The following TLL1 variants were observed in gnomAD, a reference collection of about 807,000 sequenced individuals.
The protein encoded by TLL1 is tolloid like 1, also known as tolloid-like protein 1.
Under a neutral mutation model 128.2 loss-of-function variants are expected in TLL1, and 49 were observed. That is an observed-to-expected ratio of 0.38 (90% CI 0.30 to 0.48). TLL1 has a LOEUF of 0.48. Among genes scored for constraint, TLL1 ranks in the 20% least tolerant of loss-of-function variants. TLL1 has a pLI of 0.96. For synonymous variants in TLL1, 454 were observed against 418.8 expected, an observed-to-expected ratio of 1.08 and a Z score of -1.03; for missense variants, 1,123 against 1,242.0, an observed-to-expected ratio of 0.90 and a Z score of 1.44.
chr4:165,877,078 C>T (rs953222594), intron 1 of TLL1, among the ~76,000 whole-genome samples: 2 of 152,194 alleles, frequency 1.3e-5, no homozygotes, highest in African/African-American at 4.8e-5. Context: ...GTGTGTTACC[C>T]AATGAGATTT....
At chr4:166,060,408 A>G (rs755614380) in intron 15 of TLL1, among the ~76,000 whole-genome samples, 3 of 152,092 alleles carry the variant, frequency 2.0e-5, no homozygotes, top group Admixed American at 6.6e-5. Context: ...GGGAGTTTTT[A>G]TTTAGTGTAT....
Position 166,077,964 on chromosome 4 carries a change from C to G in TLL1, c.2376C>G (p.Asp792Glu). The G allele has an allele frequency of 6.2e-7, 1 of 1,613,678 alleles. No homozygotes were observed. ...SGLITSPNWP[D>E]KYPSRKECTW... Reference sequence around the variant, plus strand: ...TCATCACCAGTCCCAACTGGCCAGACAAGTACCCAAGCAGGAAAGAATGCA... The same window carrying G: ...TCATCACCAGTCCCAACTGGCCAGAGAAGTACCCAAGCAGGAAAGAATGCA... Residue 792 changes from aspartate (D) to glutamate (E), a missense_variant, in exon 18 of 21, where the codon GAC (aspartate) becomes GAG (glutamate). This residue lies in a region of TLL1 where 634 missense variants were observed against 672.4 expected (regional missense o/e 0.94). Coordinates refer to ENST00000061240, the MANE Select transcript of TLL1 (RefSeq NM_012464.5).
chr4:166,096,505 A>G (rs1209165037), intron 19 of TLL1, among the ~76,000 whole-genome samples: 1 of 152,148 alleles, frequency 6.6e-6, no homozygotes, highest in East Asian at 1.9e-4. Context: ...TCTTCTGTTT[A>G]ATTTCTTCAG....
chr4:166,010,824 GT>G (rs201257162), intron 7 of TLL1, among the ~76,000 whole-genome samples: 114 of 150,456 alleles, frequency 7.6e-4, no homozygotes, highest in Admixed American at 1.5e-3. Context: ...TTTTTAAAGT[GT>G]TTTTTTTAAA....
At chr4:166,085,552 T>G (rs1741472921) in intron 18 of TLL1, among the ~76,000 whole-genome samples, 1 of 152,116 alleles carries the variant, frequency 6.6e-6, no homozygotes, top group Non-Finnish European at 1.5e-5. Flanking sequence ...ATTTTTGTCC[T>G]TCATTCTGTT....
intron 1 of TLL1, among the ~76,000 whole-genome samples, chr4:165,968,058 A>C (rs1735471330): frequency 6.6e-6 from 1 of 152,196 alleles, no homozygotes; most frequent in Non-Finnish European, 1.5e-5. Context: ...ACCCTCACAG[A>C]GTTGTTAAGA....
intron 16 of TLL1, among the ~76,000 whole-genome samples, chr4:166,067,883 G>A (rs1316481632): frequency 6.6e-6 from 1 of 151,772 alleles, no homozygotes; most frequent in East Asian, 1.9e-4. Flanking sequence ...GTGTCACAGA[G>A]CATTTAAACC....
At chr4:166,008,539 A>G (rs1737541668) in intron 7 of TLL1, among the ~76,000 whole-genome samples, 1 of 151,570 alleles carries the variant, frequency 6.6e-6, no homozygotes, top group African/African-American at 2.4e-5. Context: ...TACTAAATGA[A>G]TTGTCAAATA....
At chr4:165,927,415 G>GT (rs1733325463) in intron 1 of TLL1, among the ~76,000 whole-genome samples, 1 of 152,140 alleles carries the variant, frequency 6.6e-6, no homozygotes, top group Non-Finnish European at 1.5e-5. Flanking sequence ...GTTTTAGTTA[G>GT]TTTTTTTCCC....
At chr4:166,093,025 C>T (rs1427942054) in intron 19 of TLL1, among the ~76,000 whole-genome samples, 1 of 152,176 alleles carries the variant, frequency 6.6e-6, no homozygotes, top group Non-Finnish European at 1.5e-5. Flanking sequence ...ATTAACATTC[C>T]ATTGAGATGA....
intron 13 of TLL1, 88 bp downstream of exon 13, chr4:166,055,359 A>G (rs1739955966): frequency 8.5e-7 from 1 of 1,174,954 alleles, no homozygotes; most frequent in Non-Finnish European, 1.2e-6. Context: ...AACTAGAGAA[A>G]GTTGTATTGA....
At chr4:166,048,561 C>T (rs1237957144) in intron 12 of TLL1, among the ~76,000 whole-genome samples, 1 of 152,086 alleles carries the variant, frequency 6.6e-6, no homozygotes. Flanking sequence ...ATTTGGAAAG[C>T]TTGTTCTCTA....
At chr4:166,019,442 TAAAAG>T (rs1019124214) in intron 8 of TLL1, among the ~76,000 whole-genome samples, 8 of 152,130 alleles carry the variant, frequency 5.3e-5, no homozygotes, top group African/African-American at 1.7e-4. Flanking sequence ...AATTAAAAAA[TAAAAG>T]AAATGCTGGC....
intron 8 of TLL1, among the ~76,000 whole-genome samples, chr4:166,022,502 T>C (rs1376288517): frequency 6.6e-6 from 1 of 152,162 alleles, no homozygotes; most frequent in Non-Finnish European, 1.5e-5. Flanking sequence ...TTTGGAGACT[T>C]ACCTAATACA....
chr4:165,907,589 C>T (rs141766423), intron 1 of TLL1, among the ~76,000 whole-genome samples: 2 of 148,112 alleles, frequency 1.4e-5, no homozygotes, highest in East Asian at 4.0e-4. Context: ...GATCTTGTTG[C>T]CCAGGCTAGA....
chr4:165,956,934 T>C (rs1286983113), intron 1 of TLL1, among the ~76,000 whole-genome samples: 1 of 152,042 alleles, frequency 6.6e-6, no homozygotes, highest in Admixed American at 6.6e-5. Context: ...ACAGACCCTA[T>C]AAAGCAGCTT....
chr4:165,892,269 C>T (rs573042098), intron 1 of TLL1, among the ~76,000 whole-genome samples: 61 of 152,300 alleles, frequency 4.0e-4, no homozygotes, highest in Admixed American at 8.5e-4. Context: ...TGGGTGGGGA[C>T]ACAACCAAAC....
chr4:166,023,183 G>T (rs2111065857), intron 8 of TLL1, among the ~76,000 whole-genome samples: 1 of 152,292 alleles, frequency 6.6e-6, no homozygotes, highest in Admixed American at 6.5e-5. Context: ...TGGATCACCT[G>T]AGGTCAGGAG....
intron 1 of TLL1, among the ~76,000 whole-genome samples, chr4:165,976,034 C>CAAAAAAAAAAAAAAAAAAAAA (rs1169297533): frequency 2.8e-5 from 2 of 72,098 alleles, no homozygotes; most frequent in African/African-American, 4.8e-5. Context: ...GATTCCATCT[C>CAAAAAAAAAAAAAAAAAAAAA]AAAAAAAAAA....
Sources: gnomAD v4.1 joint callset for allele counts (sites outside exome capture counted in the v4.1 genomes callset) on GRCh38, gnomAD v4.1.1 for gene constraint, gnomAD v4.1.1 regional missense constraint, MANE v1.5 for transcripts, NCBI Gene and HGNC (gene_info 2026-07-23, HGNC 2026-07-21) for gene names.